Variants in RUNX1 observed in about 807,000 individuals in gnomAD.
RUNX1 encodes the protein runt-related transcription factor 1.
RUNX1 carries 19 observed loss-of-function variants against 42.8 expected under a neutral mutation model. The observed-to-expected ratio is 0.44, with a 90% CI of 0.31 to 0.65. The LOEUF (loss-of-function observed/expected upper bound fraction) is 0.65. RUNX1 is among the 30% of genes least tolerant of loss of function. The probability of loss-of-function intolerance (pLI) is 0.07; values close to 1 mark genes in which losing one functional copy is unlikely to be tolerated. For missense variants in RUNX1, 528 were observed against 672.0 expected (o/e 0.79, Z 2.37); for synonymous variants, 271 against 289.4 (o/e 0.94, Z 0.64).
intron 6 of RUNX1, among the ~76,000 whole-genome samples, chr21:34,848,807 G>A (rs1484441034): frequency 1.3e-5 from 2 of 152,058 alleles, no homozygotes; most frequent in South Asian, 2.1e-4. Flanking sequence ...ACGTGGCTCC[G>A]CATATTTCTC....
intron 2 of RUNX1, among the ~76,000 whole-genome samples, chr21:34,895,102 A>G (rs1391571070): frequency 6.6e-6 from 1 of 152,140 alleles, no homozygotes; most frequent in Non-Finnish European, 1.5e-5. Flanking sequence ...GAAATTCTTC[A>G]CCATGCAAAC....
chr21:34,918,127 C>CAAAAAA (rs71324335), intron 2 of RUNX1, among the ~76,000 whole-genome samples: 3 of 71,252 alleles, frequency 4.2e-5, no homozygotes, highest in East Asian at 4.9e-4. Context: ...GACTCTGTCT[C>CAAAAAA]AAAAAAAAAA....
chr21:34,993,329 T>TA (rs982075855), intron 2 of RUNX1, among the ~76,000 whole-genome samples: 1 of 151,960 alleles, frequency 6.6e-6, no homozygotes, highest in African/African-American at 2.4e-5. Context: ...ACCATTATCT[T>TA]AAAAAAAGAG....
chr21:34,852,849 A>G (rs1028960581), intron 6 of RUNX1, among the ~76,000 whole-genome samples: 2 of 152,216 alleles, frequency 1.3e-5, no homozygotes, highest in African/African-American at 4.8e-5. Flanking sequence ...CTACCTGGAA[A>G]ATACGCTTGA....
At chr21:34,975,757 A>G (rs1389356700) in intron 2 of RUNX1, among the ~76,000 whole-genome samples, 3 of 152,032 alleles carry the variant, frequency 2.0e-5, no homozygotes, top group Non-Finnish European at 4.4e-5. Flanking sequence ...TTGTAAAAAC[A>G]GTGACATTTG....
intron 2 of RUNX1, among the ~76,000 whole-genome samples, chr21:34,960,261 G>C (rs983817783): frequency 6.6e-6 from 1 of 152,146 alleles, no homozygotes; most frequent in Non-Finnish European, 1.5e-5. Context: ...CTGCTGCCCC[G>C]GCTCCCGATA....
At chr21:34,885,367 G>T (rs1234969111) in intron 4 of RUNX1, among the ~76,000 whole-genome samples, 1 of 152,126 alleles carries the variant, frequency 6.6e-6, no homozygotes, top group African/African-American at 2.4e-5. Flanking sequence ...GGGTTAGAAT[G>T]ATTTAAAAGT....
In RUNX1 at chr21:34,886,013, T is replaced by A. The variant is rs995860613; in HGVS notation, c.351+830A>T. Among the ~76,000 whole-genome samples the A allele has an allele frequency of 3.3e-5, 5 of 152,196 alleles. No individual in the cohort carries two copies. In the East Asian group the frequency reaches 9.6e-4, roughly 29 times the overall value. ...TAAAGGCAGCTCAAAGCTTTGGGGATGATCAGGGGTGAAAAGTGAAGGGAG... is the reference window on the plus strand; with the variant it reads ...TAAAGGCAGCTCAAAGCTTTGGGGAAGATCAGGGGTGAAAAGTGAAGGGAG... On this transcript the variant is annotated intron_variant, in intron 4 of 8. Transcript: ENST00000675419.
At chr21:35,006,922 G>A (rs371754603) in intron 2 of RUNX1, among the ~76,000 whole-genome samples, 1 of 152,074 alleles carries the variant, frequency 6.6e-6, no homozygotes, top group East Asian at 1.9e-4. Flanking sequence ...TTCCACTCTG[G>A]GAAGTACCCA....
chr21:34,805,021 G>A (rs1601359085), intron 7 of RUNX1, among the ~76,000 whole-genome samples: 1 of 152,014 alleles, frequency 6.6e-6, no homozygotes, highest in Admixed American at 6.5e-5. Context: ...CCAAAGTGCT[G>A]GGATTACAGG....
intron 5 of RUNX1, among the ~76,000 whole-genome samples, chr21:34,872,126 G>A (rs2057747040): frequency 6.6e-6 from 1 of 152,192 alleles, no homozygotes; most frequent in South Asian, 2.1e-4. Context: ...TTACAGGTGT[G>A]AGCCAGCATG....
intron 2 of RUNX1, among the ~76,000 whole-genome samples, chr21:35,027,833 G>A (rs2059247961): frequency 6.6e-6 from 1 of 152,158 alleles, no homozygotes; most frequent in African/African-American, 2.4e-5. Context: ...GAAGTTGAAT[G>A]GTTTTGTGTA....
intron 2 of RUNX1, among the ~76,000 whole-genome samples, chr21:34,922,257 C>T (rs2058359760): frequency 6.6e-6 from 1 of 152,080 alleles, no homozygotes; most frequent in African/African-American, 2.4e-5. Flanking sequence ...TTTGCCCTTC[C>T]AGGATTGTCA....
intron 7 of RUNX1, among the ~76,000 whole-genome samples, chr21:34,808,116 A>C (rs1435329565): frequency 6.6e-6 from 1 of 152,230 alleles, no homozygotes; most frequent in Non-Finnish European, 1.5e-5. Flanking sequence ...AGTCAGCACC[A>C]GCTCTGGATC....
At chr21:34,918,625 T>G (rs570220286) in intron 2 of RUNX1, among the ~76,000 whole-genome samples, 18 of 152,154 alleles carry the variant, frequency 1.2e-4, no homozygotes, top group African/African-American at 4.3e-4. Context: ...ATAAGATACA[T>G]GAGGCCGGGC....
In RUNX1 at chr21:34,790,997, G is replaced by T. The variant is rs55744508; in HGVS notation, c.*1138C>A. 0.036 allele frequency: 8,489 copies of T among 233,576 alleles called. 225 individuals carry two copies. Among genetic ancestry groups the T allele is most frequent in the Non-Finnish European group, 0.052 (6,187 of 118,012 alleles). 14.5% of individuals were successfully genotyped at this position (233,576 alleles called of 1,614,324 possible). ...TATTGGCACCTGCCTCAACCCTCTG[G>T]AACTAGATTGACCTTCTCTGTTTTA... On this transcript the variant is annotated 3_prime_UTR_variant, in exon 9 of 9. Coordinates refer to ENST00000675419, the MANE Select transcript of RUNX1 (RefSeq NM_001754.5).
intron 6 of RUNX1, among the ~76,000 whole-genome samples, chr21:34,844,488 T>C (rs1380029035): frequency 2.0e-5 from 3 of 152,126 alleles, no homozygotes; most frequent in Non-Finnish European, 4.4e-5. Flanking sequence ...TCATACATAA[T>C]GGGCAGAGAC....
At chr21:34,930,581 T>C (rs1356647442) in intron 2 of RUNX1, among the ~76,000 whole-genome samples, 2 of 151,896 alleles carry the variant, frequency 1.3e-5, no homozygotes, top group Non-Finnish European at 2.9e-5. Flanking sequence ...AGTGTAAAAT[T>C]ATGGACTATT....
chr21:34,789,535 A>G lies in RUNX1; in HGVS notation c.*2600T>C, dbSNP rs1455826927. 4.3e-6 allele frequency: 1 copy of G among 233,574 alleles called. No homozygotes were observed. Among genetic ancestry groups the G allele is most frequent in the African/African-American group, 2.2e-5 (1 of 45,326 alleles). 14.5% of individuals were successfully genotyped at this position (233,574 alleles called of 1,614,324 possible). On this transcript the variant is annotated 3_prime_UTR_variant, in exon 9 of 9. Coordinates refer to ENST00000675419, the MANE Select transcript of RUNX1 (RefSeq NM_001754.5). The stretch of plus-strand genomic sequence containing the variant: ...TGATACCTTAACTTTCCTGAGGGCA[A>G]TGAATAAAAAGATACCTTAATCTAC...
Sources: allele counts gnomAD v4.1 joint callset (sites outside exome capture counted in the v4.1 genomes callset), GRCh38; gene constraint gnomAD v4.1.1; transcripts MANE v1.5; gene names NCBI Gene and HGNC (gene_info 2026-07-23, HGNC 2026-07-21).